The following RASSF4 variants were observed in gnomAD, a reference collection of about 807,000 sequenced individuals.
RASSF4 encodes the protein ras association domain-containing protein 4.
RASSF4 carries 38 observed loss-of-function variants against 41.1 expected under a neutral mutation model. The observed-to-expected ratio is 0.92, with a 90% CI of 0.71 to 1.21. The LOEUF is 1.21. RASSF4 is among the 50% of genes most tolerant of loss of function. The pLI is 0.00. For synonymous variants in RASSF4, 179 were observed against 163.4 expected (o/e 1.10, Z -0.73); for missense variants, 414 against 419.4 (o/e 0.99, Z 0.11).
intron 1 of RASSF4, among the ~76,000 whole-genome samples, chr10:44,964,664 A>G (rs1840834853): frequency 6.6e-6 from 1 of 152,222 alleles, no homozygotes; most frequent in Admixed American, 6.5e-5. Flanking sequence ...ATACTCCAGC[A>G]GAGATTCTCA....
chr10:44,973,414 A>T (rs541858646), intron 3 of RASSF4, among the ~76,000 whole-genome samples: 4 of 152,214 alleles, frequency 2.6e-5, no homozygotes, highest in African/African-American at 9.6e-5. Flanking sequence ...AACACACGCC[A>T]CTTCATATCT....
intron 5 of RASSF4, chr10:44,984,420 C>T (rs1841839450): frequency 4.0e-6 from 2 of 495,210 alleles, no homozygotes; most frequent in East Asian, 3.3e-5. Flanking sequence ...TCTCCTGGCC[C>T]CTCACCTCCC....
At chr10:44,972,882 A>G (rs1370938125) in intron 3 of RASSF4, among the ~76,000 whole-genome samples, 5 of 152,194 alleles carry the variant, frequency 3.3e-5, no homozygotes, top group Non-Finnish European at 5.9e-5. Flanking sequence ...CTCCCAGGCC[A>G]GAGCTAGCCC....
intron 10 of RASSF4, among the ~76,000 whole-genome samples, chr10:44,992,913 T>A (rs991281188): frequency 8.6e-5 from 13 of 151,972 alleles, no homozygotes; most frequent in African/African-American, 3.1e-4. Context: ...ACGTACAGAG[T>A]GGACGCTGAG....
chr10:44,975,506 T>C (rs1771645942), intron 3 of RASSF4, among the ~76,000 whole-genome samples: 1 of 73,880 alleles, frequency 1.4e-5, no homozygotes, highest in Admixed American at 1.5e-4. Context: ...CCTTCTCCAG[T>C]CCCCTCTCCA....
chr10:44,988,392 T>C (rs999817488), intron 6 of RASSF4, among the ~76,000 whole-genome samples: 3 of 152,210 alleles, frequency 2.0e-5, no homozygotes, highest in African/African-American at 7.2e-5. Flanking sequence ...GGCAGAGTCC[T>C]GGTTGATTTC....
chr10:44,972,417 C>T (rs1391577809), intron 3 of RASSF4, among the ~76,000 whole-genome samples: 1 of 152,268 alleles, frequency 6.6e-6, no homozygotes, highest in Non-Finnish European at 1.5e-5. Flanking sequence ...ACCATCCCTA[C>T]TGTGCAGGAC....
intron 3 of RASSF4, chr10:44,977,715 C>T (rs1318183448): frequency 1.9e-6 from 3 of 1,611,518 alleles, no homozygotes; most frequent in Non-Finnish European, 2.5e-6. Context: ...AAAAGCCAGT[C>T]CAGGGGGTCC....
chr10:44,990,359 C>T (rs1842064113), intron 8 of RASSF4, among the ~76,000 whole-genome samples: 1 of 152,242 alleles, frequency 6.6e-6, no homozygotes, highest in Non-Finnish European at 1.5e-5. Flanking sequence ...TTGCATCATG[C>T]ATGCCCTTTG....
intron 3 of RASSF4, among the ~76,000 whole-genome samples, chr10:44,972,265 G>GCAGTAC (rs1278711679): frequency 6.6e-6 from 1 of 152,198 alleles, no homozygotes; most frequent in Non-Finnish European, 1.5e-5. Context: ...GGTCTCACCT[G>GCAGTAC]TGGCCCCTGG....
chr10:44,963,785 G>T (rs1840798870), intron 1 of RASSF4, among the ~76,000 whole-genome samples: 1 of 152,242 alleles, frequency 6.6e-6, no homozygotes, highest in Non-Finnish European at 1.5e-5. Context: ...AGACTTCACA[G>T]ATATGCTTAG....
chr10:44,993,517 C>T lies in RASSF4; in HGVS notation c.*188C>T. 1.7e-6 allele frequency: 1 copy of T among 601,200 alleles called. No homozygotes were observed. The allele number at this position is 601,200 out of a possible 1,614,324, so 37.2% of individuals were successfully genotyped here. A position where few individuals can be genotyped will look rare whatever the true frequency, so the allele number is the denominator to read the frequency against. Reference sequence around the variant, plus strand: ...CAGCTCTTGGCTCCAAGATGAGCACCCACAGGAAGCCGACCCAGGCCTGAG... The same window carrying T: ...CAGCTCTTGGCTCCAAGATGAGCACTCACAGGAAGCCGACCCAGGCCTGAG... On this transcript the variant is annotated 3_prime_UTR_variant, in exon 11 of 11. Coordinates refer to ENST00000340258, the MANE Select transcript of RASSF4 (RefSeq NM_032023.4).
chr10:44,989,391 A>G lies in RASSF4; in HGVS notation c.633+16A>G, dbSNP rs1382849964. 7 of 1,568,112 alleles carry G rather than the reference A, an allele frequency of 4.5e-6. No individual in the cohort carries two copies. The highest frequency in any genetic ancestry group is 6.1e-6 in the Non-Finnish European group (7 of 1,139,348). On this transcript the variant is annotated intron_variant, in intron 7 of 10. Transcript: ENST00000340258. The stretch of plus-strand genomic sequence containing the variant: ...CAAATTTAGGGTAAGCCTGGTCAGG[A>G]GCAGCCTTGCCCCAGGATGCCAGTG...
chr10:44,975,026 C>A (rs955947633), intron 3 of RASSF4, among the ~76,000 whole-genome samples: 14 of 152,196 alleles, frequency 9.2e-5, no homozygotes, highest in Admixed American at 7.2e-4. Flanking sequence ...TGGCTCTGGA[C>A]AAGCAAGTGA....
chr10:44,990,806 C>G, intron 8 of RASSF4, 142 bp from the exon 9 acceptor site: 1 of 745,778 alleles, frequency 1.3e-6, no homozygotes, highest in Non-Finnish European at 2.1e-6. Flanking sequence ...GCAGGAATCT[C>G]TCAGGGCAGC....
chr10:44,969,028 G>A (rs564365695), intron 1 of RASSF4, among the ~76,000 whole-genome samples: 1 of 151,926 alleles, frequency 6.6e-6, no homozygotes, highest in East Asian at 1.9e-4. Flanking sequence ...ATGTGAGCAT[G>A]TGTGTATGTG....
intron 1 of RASSF4, among the ~76,000 whole-genome samples, chr10:44,960,111 G>A (rs556744937): frequency 2.0e-5 from 3 of 152,306 alleles, no homozygotes. Context: ...AGATGAGCCC[G>A]GCCACTGGCT....
rs373867623 is a variant in RASSF4 at position 44,990,951 on chromosome 10, G to A, written c.689G>A (p.Arg230Gln). 3.2e-5 allele frequency: 51 copies of A among 1,611,110 alleles called. No individual in the cohort carries two copies. Among genetic ancestry groups the A allele is most frequent in the Non-Finnish European group, 3.9e-5 (46 of 1,177,690 alleles). ...ALYIVHESGE[R>Q]TKLKDCEYPL... ...TGTAAACCACCTTCTTTTTCAGAGC[G>A]GACAAAATTAAAAGACTGCGAGTAC... is the stretch of plus-strand genomic sequence containing the variant. The change falls in exon 9 of 11, where the codon CGG becomes CAG. Residue 230 changes from arginine to glutamine, a missense_variant. Physicochemically the swap from Arg to Gln is conservative, Grantham distance 43. Coordinates refer to ENST00000340258, the MANE Select transcript of RASSF4 (RefSeq NM_032023.4).
In RASSF4 at chr10:44,982,507, G is replaced by A. The variant is rs1426789603; in HGVS notation, c.139-14G>A. ...GCTGCTCTGGGGGAAGGGCTGATGTGTGGACCCCCACAGGAAGAAGGGACT... is the reference window on the plus strand; with the variant it reads ...GCTGCTCTGGGGGAAGGGCTGATGTATGGACCCCCACAGGAAGAAGGGACT... On this transcript the variant is annotated splice_polypyrimidine_tract_variant and intron_variant, in intron 3 of 10. Transcript: ENST00000340258. 6.2e-7 allele frequency: 1 copy of A among 1,610,022 alleles called. No individual in the cohort carries two copies. The highest frequency in any genetic ancestry group is 1.3e-5 in the African/African-American group (1 of 74,718).
Sources: allele counts gnomAD v4.1 joint callset (sites outside exome capture counted in the v4.1 genomes callset), GRCh38; gene constraint gnomAD v4.1.1; transcripts MANE v1.5; gene names NCBI Gene and HGNC (gene_info 2026-07-23, HGNC 2026-07-21).